Variants in ADAD2 observed in about 807,000 individuals in gnomAD.
ADAD2 encodes the protein adenosine deaminase domain containing 2.
In ADAD2, 60 loss-of-function variants were observed where a neutral mutation model predicts 54.5. That is an observed-to-expected ratio of 1.10 (90% CI 0.89 to 1.36). ADAD2 has a LOEUF of 1.36. ADAD2 is among the 40% of genes most tolerant of loss of function. The probability of loss-of-function intolerance (pLI) is 0.00; values close to 1 mark genes in which losing one functional copy is unlikely to be tolerated. For missense variants in ADAD2, 1,103 were observed against 801.3 expected, an observed-to-expected ratio of 1.38 and a Z score of -4.54; for synonymous variants, 543 against 366.2, an observed-to-expected ratio of 1.48 and a Z score of -5.51.
At position 84,196,737 on chromosome 16, in the gene ADAD2, C is replaced by T; in HGVS notation, c.1617C>T (p.Leu539=). The T allele has an allele frequency of 6.2e-7, 1 of 1,612,876 alleles. No homozygotes were observed. Among genetic ancestry groups the T allele is most frequent in the African/African-American group, 1.3e-5 (1 of 75,050 alleles). ...QAARAVGKPY[L]LALKTYEAAK... Reference sequence around the variant, plus strand: ...CCAGGGCTGTGGGGAAGCCCTACCTCCTGGCCTTGAAGACCTACGAGGCTG... The same window carrying T: ...CCAGGGCTGTGGGGAAGCCCTACCTTCTGGCCTTGAAGACCTACGAGGCTG... Residue 539 remains leucine (L), a synonymous_variant, in exon 9 of 10, where the codon CTC becomes CTT. Transcript: ENST00000315906.
Position 84,195,211 on chromosome 16 carries a change from C to A in ADAD2, c.733+17C>A, listed in dbSNP as rs751928219. 1.2e-6 allele frequency: 2 copies of A among 1,610,816 alleles called. No homozygotes were observed. Among genetic ancestry groups the A allele is most frequent in the Non-Finnish European group, 8.5e-7 (1 of 1,178,466 alleles). Reference sequence around the variant, plus strand: ...TGGAGAGGGGTAGGGATCGCCCCAGCCCTGGCCCTGGCCCCGGCCCCCTGG... The same window carrying A: ...TGGAGAGGGGTAGGGATCGCCCCAGACCTGGCCCTGGCCCCGGCCCCCTGG... On this transcript the variant is annotated intron_variant, in intron 4 of 9. Coordinates refer to ENST00000315906, the MANE Select transcript of ADAD2 (RefSeq NM_001145400.2).
At chr16:84,192,003 G>T (rs982611719) in intron 1 of ADAD2, 2 of 417,026 alleles carry the variant, frequency 4.8e-6, no homozygotes, top group Non-Finnish European at 9.0e-6. Flanking sequence ...ATACCGAAAT[G>T]GGAGCCACTC....
chr16:84,195,232 C>T (rs900157972), intron 4 of ADAD2, 38 bp downstream of exon 4: 2 of 1,610,332 alleles, frequency 1.2e-6, no homozygotes, highest in African/African-American at 2.7e-5. Flanking sequence ...GCCCCGGCCC[C>T]CTGGGAAGGG....
Position 84,195,288 on chromosome 16 carries a change from C to A in ADAD2, c.734-8C>A. On this transcript the variant is annotated splice_region_variant and splice_polypyrimidine_tract_variant and intron_variant, in intron 4 of 9. Transcript: ENST00000315906. ...TAGGCTGGGCCGTCTCTGCCCCCTC[C>A]TGCACAGAGATCCCGCGTGCCAGGG... is the stretch of plus-strand genomic sequence containing the variant. The A allele has an allele frequency of 2.5e-6, 4 of 1,612,254 alleles. No individual in the cohort carries two copies. Among genetic ancestry groups the A allele is most frequent in the Non-Finnish European group, 3.4e-6 (4 of 1,179,890 alleles).
Position 84,194,544 on chromosome 16 carries a change from C to T in ADAD2, c.521C>T (p.Ser174Phe), listed in dbSNP as rs748345229. 22 of 1,609,568 alleles carry T rather than the reference C, an allele frequency of 1.4e-5. No homozygotes were observed. In the Admixed American group the frequency reaches 3.7e-4, roughly 27 times the overall value. ...KTEAKQQAAL[S>F]ALCYIRSQLE... ...GAGGCCAAACAGCAGGCAGCGCTCT[C>T]TGCCCTCTGCTACATCCGGAGTCAG... The change falls in exon 2 of 10, where the codon TCT (serine) becomes TTT (phenylalanine). Residue 174 changes from serine (S) to phenylalanine (F), a missense_variant. Coordinates refer to ENST00000315906, the MANE Select transcript of ADAD2 (RefSeq NM_001145400.2).
chr16:84,194,379 G>C lies in ADAD2; in HGVS notation c.419-63G>C, dbSNP rs1294342968. The C allele has an allele frequency of 3.2e-6, 5 of 1,572,002 alleles. No individual in the cohort carries two copies. In the African/African-American group the frequency reaches 6.7e-5, roughly 21 times the overall value. On this transcript the variant is annotated intron_variant, in intron 1 of 9. Coordinates refer to ENST00000315906, the MANE Select transcript of ADAD2 (RefSeq NM_001145400.2). ...CGATATCAGGTGTCAGGAGGAGGCA[G>C]AGGTGGTACCTGTCACAGGGCGAAG... is the stretch of plus-strand genomic sequence containing the variant.
chr16:84,196,457 C>A, intron 8 of ADAD2, 87 bp downstream of exon 8: 1 of 1,550,346 alleles, frequency 6.5e-7, no homozygotes, highest in Non-Finnish European at 8.7e-7. Context: ...AGTCTAATCC[C>A]AGCGCAACCC....
In ADAD2 at chr16:84,191,511, C is replaced by A; in HGVS notation, c.281C>A (p.Ala94Asp). The change falls in exon 1 of 10, where the codon GCC (alanine) becomes GAC (aspartate). Residue 94 changes from alanine to aspartate, a missense_variant. Coordinates refer to ENST00000315906, the MANE Select transcript of ADAD2 (RefSeq NM_001145400.2). Reference protein sequence around the residue: ...WENLGEQMGKAPRVPVPPAGL... With the variant: ...WENLGEQMGKDPRVPVPPAGL... ...AACTTGGGGGAACAGATGGGGAAGGCCCCGAGGGTCCCTGTGCCCCCAGCA... is the reference window on the plus strand; with the variant it reads ...AACTTGGGGGAACAGATGGGGAAGGACCCGAGGGTCCCTGTGCCCCCAGCA... 6.5e-7 allele frequency: 1 copy of A among 1,544,404 alleles called. No individual in the cohort carries two copies.
chr16:84,191,375 CCCGCGA>C lies in ADAD2; in HGVS notation c.147_152del (p.Ala50_Thr51del), dbSNP rs768970091. 2.7e-4 allele frequency: 406 copies of C among 1,527,286 alleles called. 1 individual carries two copies. The African/African-American group carries it at 5.0e-3, about 19-fold the overall frequency. The allele number at this position is 1,527,286 out of a possible 1,614,324, so 94.6% of individuals were successfully genotyped here. A position where few individuals can be genotyped will look rare whatever the true frequency, so the allele number is the denominator to read the frequency against. On this transcript the variant is annotated inframe_deletion, in exon 1 of 10. Coordinates refer to ENST00000315906, the MANE Select transcript of ADAD2 (RefSeq NM_001145400.2). ...AAGTGCCTGGGGGCCCGCGCCCGCG[CCCGCGA>C]CGTATCGCGCGGAGGGCGGGTGGCC...
At position 84,195,684 on chromosome 16, in the gene ADAD2, GC is replaced by G; in HGVS notation, c.1042del (p.Arg348ValfsTer29). The G allele has an allele frequency of 6.4e-7, 1 of 1,559,482 alleles. No homozygotes were observed. ...CATCAGCAACACCCCCAAGGGCGCGGCCCGTGACATCTAGTATGCAGGGCCC... is the reference window on the plus strand; with the variant it reads ...CATCAGCAACACCCCCAAGGGCGCGGCCGTGACATCTAGTATGCAGGGCCC... ...LYISNTPKGA[A>X]RDIYLPPTSE... On this transcript the variant is annotated frameshift_variant, in exon 6 of 10. Coordinates refer to ENST00000315906, the MANE Select transcript of ADAD2 (RefSeq NM_001145400.2). LOFTEE classifies it high-confidence loss of function.
chr16:84,195,834 G>T lies in ADAD2; in HGVS notation c.1072G>T (p.Gly358Cys). The change falls in exon 7 of 10, where the codon GGT (glycine) becomes TGT (cysteine). Residue 358 changes from glycine to cysteine, a missense_variant. Coordinates refer to ENST00000315906, the MANE Select transcript of ADAD2 (RefSeq NM_001145400.2). ...RDIYLPPTSE[G>C]GLPHSPPMRL... ...CCGCAGCCTGCCCCCCACCTCGGAA[G>T]GTGGCCTCCCGCACAGCCCACCCAT... 1 of 1,605,588 alleles carries T rather than the reference G, an allele frequency of 6.2e-7. No homozygotes were observed. The highest frequency in any genetic ancestry group is 2.2e-5 in the East Asian group (1 of 44,662).
In ADAD2 at chr16:84,194,952, C is replaced by G. The variant is rs1597598484; in HGVS notation, c.579C>G (p.Ser193Arg). 2.5e-6 allele frequency: 4 copies of G among 1,612,116 alleles called. No individual in the cohort carries two copies. Among genetic ancestry groups the G allele is most frequent in the Non-Finnish European group, 3.4e-6 (4 of 1,179,160 alleles). Residue 193 changes from serine to arginine, a missense_variant, in exon 3 of 10, where the codon AGC (serine) becomes AGG (arginine). Coordinates refer to ENST00000315906, the MANE Select transcript of ADAD2 (RefSeq NM_001145400.2). ...LENPESPQTSSRPPLAPLSVE... is the reference protein window; with the variant it reads ...LENPESPQTSRRPPLAPLSVE... ...TTTCAGAGTCCCCCCAGACCTCCAG[C>G]CGGCCTCCACTGGCCCCCCTGAGCG...
At position 84,193,918 on chromosome 16, in the gene ADAD2, C is replaced by G. The variant is rs147117105; in HGVS notation, c.419-524C>G. The G allele has an allele frequency of 5.2e-4, 690 of 1,329,882 alleles. 3 individuals are homozygous for G. The African/African-American group carries it at 9.0e-3, about 17-fold the overall frequency. 82.4% of individuals were successfully genotyped at this position (1,329,882 alleles called of 1,614,324 possible). A position where few individuals can be genotyped will look rare whatever the true frequency, so the allele number is the denominator to read the frequency against. ...AGCAGCAAGTACTGTGAAATTAACC[C>G]TGCACCTTTGACCATGTGATCCCAG... is the stretch of plus-strand genomic sequence containing the variant. On this transcript the variant is annotated intron_variant, in intron 1 of 9. Transcript: ENST00000315906.
chr16:84,192,946 A>C (rs1487916102), intron 1 of ADAD2: 1 of 150,480 alleles, frequency 6.6e-6, no homozygotes. Flanking sequence ...TCGAATTCAA[A>C]CGATTCTTGC....
chr16:84,193,772 GTGGTTGC>G (rs1005728804), intron 1 of ADAD2: 2 of 443,260 alleles, frequency 4.5e-6, no homozygotes, highest in African/African-American at 3.9e-5. Context: ...ACGTCTGTCT[GTGGTTGC>G]TGGTTTTGAT....
chr16:84,196,360 G>A lies in ADAD2; in HGVS notation c.1516G>A (p.Val506Met), dbSNP rs919810238. 1.7e-5 allele frequency: 28 copies of A among 1,611,686 alleles called. No individual in the cohort carries two copies. The highest frequency in any genetic ancestry group is 1.6e-4 in the Middle Eastern group (1 of 6,070). The change falls in exon 8 of 10, where the codon GTG (valine) becomes ATG (methionine). Residue 506 changes from valine (V) to methionine (M), a missense_variant. Transcript: ENST00000315906. ...GGTTGTGGATGTGGCCACCGGGCGT[G>A]TGAAGGCCAAGTGAGAAGGGCCCCC... ...IEVVDVATGR[V>M]KANAALGPPS... is the part of the protein sequence containing the mutation.
chr16:84,196,778 CA>C lies in ADAD2; in HGVS notation c.1647+12del, dbSNP rs2089737146. The C allele has an allele frequency of 2.5e-6, 4 of 1,605,214 alleles. No homozygotes were observed. In the East Asian group the frequency reaches 9.0e-5, roughly 36 times the overall value. On this transcript the variant is annotated intron_variant, in intron 9 of 9. Transcript: ENST00000315906. The stretch of plus-strand genomic sequence containing the variant: ...TACGAGGCTGCCAAGGTTGGTTCCC[CA>C]CCCTCCCCCCGTCCCGGTCCCTCTC...
intron 1 of ADAD2, chr16:84,194,145 C>T: frequency 6.2e-7 from 1 of 1,612,388 alleles, no homozygotes; most frequent in South Asian, 1.1e-5. Context: ...TGGGTCCTGA[C>T]TCAAGTTGGG....
chr16:84,191,410 G>A lies in ADAD2; in HGVS notation c.180G>A (p.Gln60=). Residue 60 remains glutamine (Q), a synonymous_variant, in exon 1 of 10, where the codon CAG becomes CAA. Transcript: ENST00000315906. ...ATCGCGCGGAGGGCGGGTGGCCCCAGGTCTCGGTGTTGAGGGACAGTGGGC... is the reference window on the plus strand; with the variant it reads ...ATCGCGCGGAGGGCGGGTGGCCCCAAGTCTCGGTGTTGAGGGACAGTGGGC... ...ATYRAEGGWP[Q]VSVLRDSGPG... The A allele has an allele frequency of 2.7e-6, 4 of 1,495,246 alleles. No homozygotes were observed. Among genetic ancestry groups the A allele is most frequent in the African/African-American group, 2.8e-5 (2 of 71,030 alleles). The allele number at this position is 1,495,246 out of a possible 1,614,324, so 92.6% of individuals were successfully genotyped here.
Sources: gnomAD v4.1 joint callset for allele counts on GRCh38, gnomAD v4.1.1 for gene constraint, MANE v1.5 for transcripts, NCBI Gene and HGNC (gene_info 2026-07-23, HGNC 2026-07-21) for gene names.